ATE1: variants seen among roughly 807,000 people sequenced by gnomAD.
ATE1 encodes the protein arginyltransferase 1.
A neutral mutation model predicts 70.5 loss-of-function variants in ATE1; 36 were observed. The observed-to-expected ratio is 0.51, with a 90% confidence interval of 0.39 to 0.67. The LOEUF is 0.67. ATE1 is among the 30% of genes least tolerant of loss of function. The pLI is 0.00. For synonymous variants in ATE1, 232 were observed against 219.3 expected, an observed-to-expected ratio of 1.06 and a Z score of -0.51; for missense variants, 593 against 629.5, an observed-to-expected ratio of 0.94 and a Z score of 0.62.
At chr10:121,919,630 A>G (rs1951800357) in intron 3 of ATE1, among the ~76,000 whole-genome samples, 2 of 151,810 alleles carry the variant, frequency 1.3e-5, no homozygotes, top group African/African-American at 4.8e-5. Context: ...TAACACGCAA[A>G]ATGTGCTGGG....
In ATE1 at chr10:121,902,761, G is replaced by C. The variant is rs1013069331; in HGVS notation, c.584-141C>G. The C allele has an allele frequency of 8.5e-6, 7 of 822,086 alleles. No homozygotes were observed. In the African/African-American group the frequency reaches 1.2e-4, roughly 14 times the overall value. The allele number at this position is 822,086 out of a possible 1,614,324, so 50.9% of individuals were successfully genotyped here. A position where few individuals can be genotyped will look rare whatever the true frequency, so the allele number is the denominator to read the frequency against. On this transcript the variant is annotated intron_variant, in intron 5 of 11. Coordinates refer to ENST00000224652, the MANE Select transcript of ATE1 (RefSeq NM_001001976.3). Reference sequence around the variant, plus strand: ...TGGGGTAGATGTTTCAGAGGATCCTGATACAGAGCTGTAAGTGGATCTAAA... The same window carrying C: ...TGGGGTAGATGTTTCAGAGGATCCTCATACAGAGCTGTAAGTGGATCTAAA...
chr10:121,796,902 A>T (rs1277543831), intron 10 of ATE1, among the ~76,000 whole-genome samples: 2 of 152,234 alleles, frequency 1.3e-5, no homozygotes, highest in Non-Finnish European at 2.9e-5. Flanking sequence ...TTTGAAGAGC[A>T]TTATCATATT....
intron 10 of ATE1, among the ~76,000 whole-genome samples, chr10:121,819,921 A>G (rs1377371811): frequency 6.6e-6 from 1 of 151,878 alleles, no homozygotes; most frequent in Non-Finnish European, 1.5e-5. Flanking sequence ...CAAGGTGGGC[A>G]GATCACTTGA....
At chr10:121,776,498 A>G (rs1945748340) in intron 11 of ATE1, among the ~76,000 whole-genome samples, 1 of 152,238 alleles carries the variant, frequency 6.6e-6, no homozygotes, top group Non-Finnish European at 1.5e-5. Flanking sequence ...CCACTGCCGT[A>G]TCACTAAAAT....
At chr10:121,928,288 C>A (rs1022330618), upstream of ATE1, 1 of 1,487,768 alleles carries the variant, frequency 6.7e-7, no homozygotes, top group Non-Finnish European at 9.0e-7. Flanking sequence ...CCCTTTCCCC[C>A]GCCGAGGGCC....
chr10:121,797,140 ATACTT>A (rs1383768903), intron 10 of ATE1, among the ~76,000 whole-genome samples: 18 of 152,230 alleles, frequency 1.2e-4, no homozygotes, highest in Admixed American at 1.2e-3. Flanking sequence ...TTCAGCAGAG[ATACTT>A]TAAAGTCGAC....
intron 7 of ATE1, among the ~76,000 whole-genome samples, chr10:121,899,192 C>T (rs1950886828): frequency 6.7e-6 from 1 of 149,698 alleles, no homozygotes; most frequent in East Asian, 2.0e-4. Flanking sequence ...ACAATTTGTT[C>T]TTTTTTTTTT....
chr10:121,812,801 C>T (rs997885985), intron 10 of ATE1, among the ~76,000 whole-genome samples: 2 of 152,088 alleles, frequency 1.3e-5, no homozygotes, highest in Non-Finnish European at 2.9e-5. Context: ...AATTATGGCT[C>T]AAATTAAGTT....
At chr10:121,901,006 C>T (rs1463958483) in intron 6 of ATE1, among the ~76,000 whole-genome samples, 1 of 152,128 alleles carries the variant, frequency 6.6e-6, no homozygotes, top group African/African-American at 2.4e-5. Context: ...GTAGCTCACA[C>T]CTCTAATCCC....
chr10:121,791,002 G>GTA (rs1946416258), intron 10 of ATE1, among the ~76,000 whole-genome samples: 1 of 149,630 alleles, frequency 6.7e-6, no homozygotes, highest in African/African-American at 2.5e-5. Context: ...ACATATATGT[G>GTA]TATATATGTA....
chr10:121,843,458 C>T (rs976657461), intron 8 of ATE1, among the ~76,000 whole-genome samples: 1 of 152,048 alleles, frequency 6.6e-6, no homozygotes, highest in African/African-American at 2.4e-5. Flanking sequence ...TATGTAGAGA[C>T]AAAAGTCTCA....
chr10:121,895,806 A>G (rs896628596), intron 7 of ATE1, among the ~76,000 whole-genome samples: 1 of 152,068 alleles, frequency 6.6e-6, no homozygotes, highest in African/African-American at 2.4e-5. Context: ...GTAGTCCCAG[A>G]TACTCAGGTG....
intron 11 of ATE1, among the ~76,000 whole-genome samples, chr10:121,745,353 A>G (rs1944307284): frequency 6.6e-6 from 1 of 152,128 alleles, no homozygotes; most frequent in African/African-American, 2.4e-5. Context: ...CCCTCCCCGG[A>G]GATCCTAATA....
intron 3 of ATE1, among the ~76,000 whole-genome samples, 163 bp downstream of exon 3, chr10:121,922,186 A>C (rs1951908267): frequency 6.6e-6 from 1 of 152,192 alleles, no homozygotes. Flanking sequence ...TCAGCACATA[A>C]ATACAGCATC....
At chr10:121,787,973 G>A (rs4998277) in intron 11 of ATE1, among the ~76,000 whole-genome samples, 143,584 of 152,108 alleles carry the variant, frequency 0.94, 68,004 homozygotes, top group Non-Finnish European at 0.98. Flanking sequence ...TGAAGCTATC[G>A]TAAGTTGGGG....
chr10:121,919,978 A>G (rs1564967627), intron 3 of ATE1, among the ~76,000 whole-genome samples: 1 of 152,130 alleles, frequency 6.6e-6, no homozygotes, highest in African/African-American at 2.4e-5. Flanking sequence ...GACTTCTCAA[A>G]ATGGTTTGCA....
At chr10:121,845,743 A>T (rs1047995412) in intron 8 of ATE1, among the ~76,000 whole-genome samples, 13 of 152,214 alleles carry the variant, frequency 8.5e-5, no homozygotes, top group African/African-American at 3.1e-4. Flanking sequence ...TACAGTGGGA[A>T]TTTACAGATA....
At chr10:121,886,185 A>G (rs900104255) in intron 7 of ATE1, among the ~76,000 whole-genome samples, 4 of 152,110 alleles carry the variant, frequency 2.6e-5, no homozygotes, top group African/African-American at 9.7e-5. Context: ...TGCTTTGCTC[A>G]ACATCATTTT....
intron 8 of ATE1, among the ~76,000 whole-genome samples, chr10:121,851,300 C>T (rs1291575935): frequency 6.6e-6 from 1 of 151,842 alleles, no homozygotes; most frequent in East Asian, 1.9e-4. Context: ...CATGCCTGTA[C>T]TCCCAGCTAC....
Sources: allele counts gnomAD v4.1 joint callset (sites outside exome capture counted in the v4.1 genomes callset), GRCh38; gene constraint gnomAD v4.1.1; transcripts MANE v1.5; gene names NCBI Gene and HGNC (gene_info 2026-07-23, HGNC 2026-07-21).